The following PLEKHH3 variants were observed in gnomAD, a reference collection of about 807,000 sequenced individuals.
PLEKHH3 encodes the protein pleckstrin homology domain-containing family H member 3.
A neutral mutation model predicts 77.8 loss-of-function variants in PLEKHH3; 57 were observed. The observed-to-expected ratio is 0.73, with a 90% confidence interval of 0.59 to 0.91. PLEKHH3 has a LOEUF of 0.91. Among genes scored for constraint, PLEKHH3 ranks in the 40% least tolerant of loss-of-function variants. PLEKHH3 has a pLI of 0.00. For synonymous variants in PLEKHH3, 467 were observed against 504.8 expected (o/e 0.93, Z 1.00); for missense variants, 1,082 against 1,091.2 (o/e 0.99, Z 0.12).
At chr17:42,670,545 T>C in intron 10 of PLEKHH3, 28 bp downstream of exon 10, 3 of 1,596,792 alleles carry the variant, frequency 1.9e-6, no homozygotes, top group Non-Finnish European at 2.6e-6. Context: ...GGGGTCTGTT[T>C]GGAGGCGTGA....
Position 42,676,238 on chromosome 17 carries a change from G to A in PLEKHH3, c.162+164C>T. 1 of 1,401,670 alleles carries A rather than the reference G, an allele frequency of 7.1e-7. No homozygotes were observed. The highest frequency in any genetic ancestry group is 9.4e-7 in the Non-Finnish European group (1 of 1,065,790). 86.8% of individuals were successfully genotyped at this position (1,401,670 alleles called of 1,614,324 possible). The stretch of plus-strand genomic sequence containing the variant: ...CCACAGGCACATCCCGAGTAGGGCT[G>A]CTGCTCCGAGAGCTCCCGGGGGCTT... On this transcript the variant is annotated intron_variant, in intron 1 of 12. Transcript: ENST00000591022. This position sits in a 1 kb window ranked among gnomAD's most constrained non-coding sequence, Gnocchi z 6.6.
intron 9 of PLEKHH3, 56 bp from the exon 10 acceptor site, chr17:42,670,761 G>T (rs1195511209): frequency 3.2e-6 from 5 of 1,575,184 alleles, no homozygotes; most frequent in Non-Finnish European, 4.3e-6. Flanking sequence ...TACGGCGAGG[G>T]CAGCTTGGGG....
At position 42,676,779 on chromosome 17, in the gene PLEKHH3, G is replaced by A; in HGVS notation, c.-216C>T. The A allele has an allele frequency of 1.7e-6, 1 of 602,058 alleles. No homozygotes were observed. Among genetic ancestry groups the A allele is most frequent in the Non-Finnish European group, 2.9e-6 (1 of 340,674 alleles). 37.3% of individuals were successfully genotyped at this position (602,058 alleles called of 1,614,324 possible). ...TCAGTGTCTGGGCCCCCGGAGGGGG[G>A]AGGGGGAAAAGCGTCCAGGGCCCCG... On this transcript the variant is annotated 5_prime_UTR_variant, in exon 1 of 13. Coordinates refer to ENST00000591022, the MANE Select transcript of PLEKHH3 (RefSeq NM_024927.5). The surrounding 1 kb of genome is among the most constrained non-coding windows in gnomAD (Gnocchi z 6.6).
chr17:42,668,310 G>C lies in PLEKHH3; in HGVS notation c.2206-7C>G. The C allele has an allele frequency of 6.5e-7, 1 of 1,530,194 alleles. No homozygotes were observed. Among genetic ancestry groups the C allele is most frequent in the Non-Finnish European group, 8.7e-7 (1 of 1,148,720 alleles). The allele number at this position is 1,530,194 out of a possible 1,614,324, so 94.8% of individuals were successfully genotyped here. On this transcript the variant is annotated splice_region_variant and splice_polypyrimidine_tract_variant and intron_variant, in intron 12 of 12. Transcript: ENST00000591022. ...GCTGCATGATCTCTTCCACCTAAGA[G>C]AGGGCAGAGGTCAGTGTGCAACAGG...
Position 42,672,345 on chromosome 17 carries a change from C to A in PLEKHH3, c.817G>T (p.Ala273Ser), listed in dbSNP as rs2052722163. ...CGCGCCCCCTCCAGCGCCTGCAGCG[C>A]CAAGAACAGCCGCACCGCCTCCTCG... is the stretch of plus-strand genomic sequence containing the variant. ...LREEAVRLFL[A>S]LQALEGARRP... The change falls in exon 7 of 13, where the codon GCG (alanine) becomes TCG (serine). Residue 273 changes from alanine (A) to serine (S), a missense_variant. Physicochemically the swap from Ala to Ser is moderately conservative, Grantham distance 99 (BLOSUM62 1). Transcript: ENST00000591022. The A allele has an allele frequency of 1.3e-6, 2 of 1,544,462 alleles. No individual in the cohort carries two copies. Among genetic ancestry groups the A allele is most frequent in the Non-Finnish European group, 1.7e-6 (2 of 1,145,674 alleles).
chr17:42,672,433 A>C, intron 6 of PLEKHH3, 41 bp from the exon 7 acceptor site: 1 of 1,461,034 alleles, frequency 6.8e-7, no homozygotes, highest in South Asian at 1.4e-5. Context: ...TGGAGAGGGG[A>C]CACAGAGCTG....
chr17:42,669,101 G>A (rs1017381439), intron 12 of PLEKHH3: 23 of 206,436 alleles, frequency 1.1e-4, no homozygotes, highest in Non-Finnish European at 1.9e-4. Context: ...ATGAGCCACT[G>A]CACCCGGCCA....
chr17:42,674,595 G>A (rs2052781872), intron 1 of PLEKHH3, 186 bp from the exon 2 acceptor site: 1 of 453,136 alleles, frequency 2.2e-6, no homozygotes, highest in Non-Finnish European at 3.9e-6. Flanking sequence ...AACAGGACAA[G>A]CTCTTCAGAA....
chr17:42,676,376 C>G lies in PLEKHH3; in HGVS notation c.162+26G>C. The G allele has an allele frequency of 1.2e-6, 2 of 1,611,294 alleles. No homozygotes were observed. The highest frequency in any genetic ancestry group is 1.7e-6 in the Non-Finnish European group (2 of 1,178,842). The stretch of plus-strand genomic sequence containing the variant: ...CCGGTTACAGCGAGAGTGATTGAGA[C>G]GAGGCTCCGAACCCCCGGGACTTAC... On this transcript the variant is annotated intron_variant, in intron 1 of 12. Transcript: ENST00000591022. The surrounding 1 kb of genome is among the most constrained non-coding windows in gnomAD (Gnocchi z 6.6).
In PLEKHH3 at chr17:42,673,381, G is replaced by A. The variant is rs377542141; in HGVS notation, c.648+18C>T. On this transcript the variant is annotated intron_variant, in intron 5 of 12. Coordinates refer to ENST00000591022, the MANE Select transcript of PLEKHH3 (RefSeq NM_024927.5). ...AGCTTTGGGGTCCACCACTCTCCTG[G>A]CTCTCCCTGGTGTGTACCTGTATGT... 5 of 1,612,460 alleles carry A rather than the reference G, an allele frequency of 3.1e-6. No homozygotes were observed. Among genetic ancestry groups the A allele is most frequent in the African/African-American group, 1.3e-5 (1 of 74,848 alleles).
At chr17:42,675,992 G>C in intron 1 of PLEKHH3, 1 of 1,070,182 alleles carries the variant, frequency 9.3e-7, no homozygotes, top group Non-Finnish European at 1.1e-6. Flanking sequence ...TCTCGCATCT[G>C]GCCTCCGCAC....
At chr17:42,675,480 A>C (rs1210939689) in intron 1 of PLEKHH3, among the ~76,000 whole-genome samples, 1 of 151,428 alleles carries the variant, frequency 6.6e-6, no homozygotes, top group East Asian at 2.0e-4. Context: ...TCTTAGGCTA[A>C]CTCCCCTAAT....
intron 6 of PLEKHH3, 60 bp from the exon 7 acceptor site, chr17:42,672,452 G>A: frequency 7.1e-7 from 1 of 1,405,112 alleles, no homozygotes; most frequent in Non-Finnish European, 9.4e-7. Flanking sequence ...TGCGCCCTGG[G>A]AGGAAGGCAT....
At position 42,671,029 on chromosome 17, in the gene PLEKHH3, C is replaced by A. The variant is rs538834328; in HGVS notation, c.1386G>T (p.Gly462=). 4 of 1,610,500 alleles carry A rather than the reference C, an allele frequency of 2.5e-6. No individual in the cohort carries two copies. The highest frequency in any genetic ancestry group is 2.2e-5 in the South Asian group (2 of 90,840). The change falls in exon 9 of 13, where the codon GGG becomes GGT. Residue 462 remains glycine (G), a synonymous_variant. Transcript: ENST00000591022. This position sits in a 1 kb window ranked among gnomAD's most constrained non-coding sequence, Gnocchi z 4.7. ...TGGTGAGCACGTCGGCCACGAGGGT[C>A]CCCCCAGCCAGGGCTCGCTCCTGGG... is the stretch of plus-strand genomic sequence containing the variant. The part of the protein sequence containing the change: ...RGAQERALAG[G]TLVADVLTRF...
intron 11 of PLEKHH3, 105 bp downstream of exon 11, chr17:42,669,813 G>C (rs752558467): frequency 1.3e-6 from 2 of 1,550,602 alleles, no homozygotes; most frequent in Non-Finnish European, 1.7e-6. Flanking sequence ...ATGGGTAGCT[G>C]TTCTGGATGT....
rs1009336227 is a variant in PLEKHH3, at chr17:42,676,150, G to T, written c.162+252C>A. On this transcript the variant is annotated intron_variant, in intron 1 of 12. Transcript: ENST00000591022. The surrounding 1 kb of genome is among the most constrained non-coding windows in gnomAD (Gnocchi z 6.6). Reference sequence around the variant, plus strand: ...GAGGCAGGGCCAGGTCGGGCCACGCGTGACGCCTCCCCTGCCTCAGGGCCC... The same window carrying T: ...GAGGCAGGGCCAGGTCGGGCCACGCTTGACGCCTCCCCTGCCTCAGGGCCC... 28 of 1,368,478 alleles carry T rather than the reference G, an allele frequency of 2.0e-5. No homozygotes were observed. Among genetic ancestry groups the T allele is most frequent in the Non-Finnish European group, 2.5e-5 (27 of 1,062,636 alleles). The allele number at this position is 1,368,478 out of a possible 1,614,324, so 84.8% of individuals were successfully genotyped here. A position where few individuals can be genotyped will look rare whatever the true frequency, so the allele number is the denominator to read the frequency against.
At chr17:42,668,970 A>G (rs1489651961) in intron 12 of PLEKHH3, 1 of 152,448 alleles carries the variant, frequency 6.6e-6, no homozygotes, top group African/African-American at 2.4e-5. Flanking sequence ...GTGCGCCACC[A>G]GCCCCAGCTA....
chr17:42,672,357 G>A lies in PLEKHH3; in HGVS notation c.805C>T (p.Arg269Trp), dbSNP rs1195724760. The change falls in exon 7 of 13, where the codon CGG becomes TGG. Residue 269 changes from arginine to tryptophan, a missense_variant. By Grantham distance (101) the Arg-to-Trp change is moderately radical (BLOSUM62 -3). Transcript: ENST00000591022. ...AGCGCCTGCAGCGCCAAGAACAGCC[G>A]CACCGCCTCCTCGCGCAGGGGTGCA... ...GYAPLREEAV[R>W]LFLALQALEG... 2 of 1,541,600 alleles carry A rather than the reference G, an allele frequency of 1.3e-6. No homozygotes were observed. Among genetic ancestry groups the A allele is most frequent in the Non-Finnish European group, 1.7e-6 (2 of 1,144,778 alleles).
chr17:42,670,518 CCAGGGGTT>C, intron 10 of PLEKHH3, 47 bp downstream of exon 10: 1 of 1,565,176 alleles, frequency 6.4e-7, no homozygotes, highest in Non-Finnish European at 8.7e-7. Context: ...GCCTAGAAAA[CCAGGGGTT>C]CAGGCTTGGG....
Sources: gnomAD v4.1 joint callset for allele counts (sites outside exome capture counted in the v4.1 genomes callset) on GRCh38, gnomAD v4.1.1 for gene constraint, Gnocchi (gnomAD v3.1) non-coding constraint, MANE v1.5 for transcripts, NCBI Gene and HGNC (gene_info 2026-07-23, HGNC 2026-07-21) for gene names.